The following ZC3H7B variants were observed in gnomAD, a reference collection of about 807,000 sequenced individuals.
ZC3H7B encodes the protein zinc finger CCCH domain-containing protein 7B.
In ZC3H7B, 35 loss-of-function variants were observed where a neutral mutation model predicts 116.0. That is an observed-to-expected ratio of 0.30 (90% CI 0.23 to 0.40). The LOEUF (loss-of-function observed/expected upper bound fraction) is 0.40. Among genes scored for constraint, ZC3H7B ranks in the 10% least tolerant of loss-of-function variants. The probability of loss-of-function intolerance (pLI) is 1.00; values close to 1 mark genes in which losing one functional copy is unlikely to be tolerated. For synonymous variants in ZC3H7B, 502 were observed against 545.6 expected (o/e 0.92, Z 1.11); for missense variants, 1,011 against 1,321.5 (o/e 0.77, Z 3.64).
intron 1 of ZC3H7B, among the ~76,000 whole-genome samples, chr22:41,307,000 G>A (rs1310645113): frequency 7.0e-6 from 1 of 143,434 alleles, no homozygotes; most frequent in East Asian, 2.0e-4. Context: ...TTGAGACAGA[G>A]TCTCATTCTG....
intron 16 of ZC3H7B, among the ~76,000 whole-genome samples, chr22:41,350,612 A>C (rs2036643733): frequency 6.6e-6 from 1 of 152,160 alleles, no homozygotes; most frequent in African/African-American, 2.4e-5. Flanking sequence ...GGTGGACTCT[A>C]AGATCAGAGC....
rs200275820 is a variant in ZC3H7B at position 41,356,823 on chromosome 22, G to C, written c.2681+15G>C. The C allele has an allele frequency of 1.9e-6, 3 of 1,612,720 alleles. No individual in the cohort carries two copies. Among genetic ancestry groups the C allele is most frequent in the Non-Finnish European group, 2.5e-6 (3 of 1,179,784 alleles). On this transcript the variant is annotated intron_variant, in intron 22 of 22. Transcript: ENST00000352645. Reference sequence around the variant, plus strand: ...CTCTGCGACAGGTGCTCCTGGGAGGGCAGGGCCTGGCGGGACATGGGGTGG... The same window carrying C: ...CTCTGCGACAGGTGCTCCTGGGAGGCCAGGGCCTGGCGGGACATGGGGTGG...
At chr22:41,321,246 TG>T (rs1306135282) in intron 2 of ZC3H7B, among the ~76,000 whole-genome samples, 1 of 150,500 alleles carries the variant, frequency 6.6e-6, no homozygotes, top group Non-Finnish European at 1.5e-5. Flanking sequence ...GACAGAGTCT[TG>T]CCCTGTTGCC....
rs539398073 is a variant in ZC3H7B at position 41,344,187 on chromosome 22, G to A, written c.1459+611G>A. ...TGTAGCCCTTTCATTTCACCAGCAT[G>A]CAGCCTCACAGCTCTGGAGGAGGAA... On this transcript the variant is annotated intron_variant, in intron 13 of 22. Coordinates refer to ENST00000352645, the MANE Select transcript of ZC3H7B (RefSeq NM_017590.6). 3.9e-5 allele frequency among the ~76,000 whole-genome samples: 6 copies of A among 152,278 alleles called. No homozygotes were observed. In the East Asian group the frequency reaches 1.2e-3, roughly 29 times the overall value.
intron 9 of ZC3H7B, 116 bp downstream of exon 9, chr22:41,339,307 C>G (rs1215713987): frequency 1.3e-5 from 16 of 1,268,922 alleles, no homozygotes; most frequent in Non-Finnish European, 1.7e-5. Context: ...AGGAGGAGGC[C>G]TCAGTAGGGA....
chr22:41,351,711 A>G lies in ZC3H7B; in HGVS notation c.2034+65A>G. 1.3e-6 allele frequency: 2 copies of G among 1,513,314 alleles called. No individual in the cohort carries two copies. The highest frequency in any genetic ancestry group is 1.8e-6 in the Non-Finnish European group (2 of 1,108,072). The allele number at this position is 1,513,314 out of a possible 1,614,324, so 93.7% of individuals were successfully genotyped here. ...GAATTGTCCCCAAATTACAAACAGG[A>G]AGGCTCTAATTTTACAATAGAGAAA... On this transcript the variant is annotated intron_variant, in intron 17 of 22. Coordinates refer to ENST00000352645, the MANE Select transcript of ZC3H7B (RefSeq NM_017590.6). The surrounding 1 kb of genome is among the most constrained non-coding windows in gnomAD (Gnocchi z 5.1).
In ZC3H7B at chr22:41,357,085, G is replaced by A. The variant is rs1222163291; in HGVS notation, c.2682-92G>A. 2 of 1,542,374 alleles carry A rather than the reference G, an allele frequency of 1.3e-6. No individual in the cohort carries two copies. Among genetic ancestry groups the A allele is most frequent in the Non-Finnish European group, 1.7e-6 (2 of 1,149,912 alleles). On this transcript the variant is annotated intron_variant, in intron 22 of 22. Coordinates refer to ENST00000352645, the MANE Select transcript of ZC3H7B (RefSeq NM_017590.6). The surrounding 1 kb of genome is among the most constrained non-coding windows in gnomAD (Gnocchi z 5.4). ...GACCCAGCTGCCCAGGGAGAGGCTTGTCTTCGGGGAGGTCAAGCGGCCGGC... is the reference window on the plus strand; with the variant it reads ...GACCCAGCTGCCCAGGGAGAGGCTTATCTTCGGGGAGGTCAAGCGGCCGGC...
intron 1 of ZC3H7B, among the ~76,000 whole-genome samples, chr22:41,314,362 G>C (rs6002329): frequency 9.2e-5 from 14 of 151,750 alleles, no homozygotes; most frequent in African/African-American, 3.4e-4. Context: ...TCGCCATGTT[G>C]GCCAGGCTGG....
Position 41,357,297 on chromosome 22 carries a change from C to A in ZC3H7B, c.2802C>A (p.Arg934=). 6.2e-7 allele frequency: 1 copy of A among 1,613,816 alleles called. No homozygotes were observed. The highest frequency in any genetic ancestry group is 8.5e-7 in the Non-Finnish European group (1 of 1,179,986). The change falls in exon 23 of 23, where the codon CGC becomes CGA. Residue 934 remains arginine (R), a synonymous_variant. Transcript: ENST00000352645. This position sits in a 1 kb window ranked among gnomAD's most constrained non-coding sequence, Gnocchi z 5.4. ...EVLKQKLAKA[R]KDMLLCPRDD... is the part of the protein sequence containing the mutation. The stretch of plus-strand genomic sequence containing the variant: ...TGAAGCAGAAGTTGGCCAAGGCTCG[C>A]AAGGACATGCTGCTGTGCCCACGGG...
At chr22:41,339,652 A>G (rs963992607) in intron 9 of ZC3H7B, among the ~76,000 whole-genome samples, 164 bp from the exon 10 acceptor site, 1 of 151,092 alleles carries the variant, frequency 6.6e-6, no homozygotes, top group Non-Finnish European at 1.5e-5. Flanking sequence ...ATGAAGCTGC[A>G]CAATGTCTGG....
Position 41,345,999 on chromosome 22 carries a change from G to A in ZC3H7B, c.1460-4G>A. ...GGAACGTGTGTCCTGTTGCCTCTTTGCAGACATGATTAACAAGCAGGACTG... is the reference window on the plus strand; with the variant it reads ...GGAACGTGTGTCCTGTTGCCTCTTTACAGACATGATTAACAAGCAGGACTG... On this transcript the variant is annotated splice_polypyrimidine_tract_variant and splice_region_variant and intron_variant, in intron 13 of 22. Coordinates refer to ENST00000352645, the MANE Select transcript of ZC3H7B (RefSeq NM_017590.6). 6.2e-7 allele frequency: 1 copy of A among 1,614,008 alleles called. No homozygotes were observed. The highest frequency in any genetic ancestry group is 8.5e-7 in the Non-Finnish European group (1 of 1,179,980).
rs1442166940 is a variant in ZC3H7B at position 41,338,042 on chromosome 22, A to G, written c.583-271A>G. ...GCCACCATGCCCGACTAATTTTTGTATTTTTAGTAGAGATGAGGTTTCACC... is the reference window on the plus strand; with the variant it reads ...GCCACCATGCCCGACTAATTTTTGTGTTTTTAGTAGAGATGAGGTTTCACC... On this transcript the variant is annotated intron_variant, in intron 7 of 22. Coordinates refer to ENST00000352645, the MANE Select transcript of ZC3H7B (RefSeq NM_017590.6). The surrounding 1 kb of genome is among the most constrained non-coding windows in gnomAD (Gnocchi z 4.5). 2.0e-5 allele frequency among the ~76,000 whole-genome samples: 3 copies of G among 151,886 alleles called. No individual in the cohort carries two copies. Among genetic ancestry groups the G allele is most frequent in the Non-Finnish European group, 4.4e-5 (3 of 67,964 alleles).
chr22:41,331,100 G>A (rs1402936550), intron 6 of ZC3H7B, among the ~76,000 whole-genome samples: 32 of 142,240 alleles, frequency 2.2e-4, no homozygotes, highest in Middle Eastern at 3.6e-3. Flanking sequence ...CTCGTGATCC[G>A]CCCGCCTCAG....
chr22:41,336,348 T>G (rs1425010449), intron 7 of ZC3H7B: 1 of 151,950 alleles, frequency 6.6e-6, no homozygotes, highest in Non-Finnish European at 1.5e-5. Context: ...GCTAACATGG[T>G]GAAACCCCAT....
At chr22:41,356,594 G>C in intron 21 of ZC3H7B, 51 bp from the exon 22 acceptor site, 1 of 1,611,198 alleles carries the variant, frequency 6.2e-7, no homozygotes, top group South Asian at 1.1e-5. Context: ...GAGGTGGGTG[G>C]TCCGGGCAGA....
chr22:41,312,432 T>C (rs1424643305), intron 1 of ZC3H7B, among the ~76,000 whole-genome samples: 1 of 76,366 alleles, frequency 1.3e-5, no homozygotes, highest in Admixed American at 1.5e-4. Context: ...TGAGACCCTG[T>C]CTTAATGATA....
chr22:41,321,773 T>G (rs1333572462), intron 2 of ZC3H7B, among the ~76,000 whole-genome samples: 1 of 151,058 alleles, frequency 6.6e-6, no homozygotes, highest in African/African-American at 2.4e-5. Flanking sequence ...ATGGAGCTAT[T>G]GAGGAATAGC....
rs2036749282 is a variant in ZC3H7B at position 41,358,512 on chromosome 22, TGAGGG to T, written c.*1084_*1088del. 1 of 152,026 alleles carries T rather than the reference TGAGGG, an allele frequency of 6.6e-6. No homozygotes were observed. The highest frequency in any genetic ancestry group is 2.4e-5 in the African/African-American group (1 of 41,270). The allele number at this position is 152,026 out of a possible 1,614,324, so 9.4% of individuals were successfully genotyped here. ...TGTGAGGTGTGGGAGGTGGGAAGGG[TGAGGG>T]TCTGGGGGAATGCGGAGAAAAGGGA... On this transcript the variant is annotated 3_prime_UTR_variant, in exon 23 of 23. Transcript: ENST00000352645.
chr22:41,307,093 C>G (rs892532586), intron 1 of ZC3H7B, among the ~76,000 whole-genome samples: 6 of 151,844 alleles, frequency 4.0e-5, no homozygotes, highest in African/African-American at 1.2e-4. Context: ...CCTGCCTCAG[C>G]CTCCTGAGTA....
Sources: gnomAD v4.1 joint callset for allele counts (sites outside exome capture counted in the v4.1 genomes callset) on GRCh38, gnomAD v4.1.1 for gene constraint, Gnocchi (gnomAD v3.1) non-coding constraint, MANE v1.5 for transcripts, NCBI Gene and HGNC (gene_info 2026-07-23, HGNC 2026-07-21) for gene names.